Variants in MED22 observed in about 807,000 individuals in gnomAD.
MED22 encodes the protein mediator of RNA polymerase II transcription subunit 22.
MED22 carries 22 observed loss-of-function variants against 22.7 expected under a neutral mutation model. That is an observed-to-expected ratio of 0.97 (90% CI 0.69 to 1.38). The LOEUF (loss-of-function observed/expected upper bound fraction) is 1.38, where lower values mean the gene tolerates loss of function less well. Among genes scored for constraint, MED22 ranks in the 40% most tolerant of loss-of-function variants. MED22 has a pLI of 0.00. For missense variants in MED22, 247 were observed against 263.0 expected (o/e 0.94, Z 0.42); for synonymous variants, 134 against 119.4 (o/e 1.12, Z -0.80).
At chr9:133,346,464 C>CTGCTCAG (rs1836182262) in intron 2 of MED22, 76 bp downstream of exon 2, 1 of 1,578,068 alleles carries the variant, frequency 6.3e-7, no homozygotes, top group African/African-American at 1.3e-5. Context: ...TTCACTCGCG[C>CTGCTCAG]TGCTCAGCCC....
In MED22 at chr9:133,340,080, CT is replaced by C. The variant is rs1835967884; in HGVS notation, c.*1424del. On this transcript the variant is annotated 3_prime_UTR_variant, in exon 5 of 5. Transcript: ENST00000343730. The stretch of plus-strand genomic sequence containing the variant: ...GCTCTCGCTTCATATATGCTTCCAT[CT>C]GGTTGTAATCTTTTTCTTCCTCAGT... 1 of 152,430 alleles carries C rather than the reference CT, an allele frequency of 6.6e-6. No individual in the cohort carries two copies. The highest frequency in any genetic ancestry group is 2.1e-4 in the South Asian group (1 of 4,836). 9.4% of individuals were successfully genotyped at this position (152,430 alleles called of 1,614,324 possible). A position where few individuals can be genotyped will look rare whatever the true frequency, so the allele number is the denominator to read the frequency against.
intron 2 of MED22, among the ~76,000 whole-genome samples, chr9:133,345,838 T>C (rs2129966378): frequency 1.3e-5 from 2 of 152,250 alleles, no homozygotes; most frequent in African/African-American, 2.4e-5. Flanking sequence ...GTACCCTCAG[T>C]GGTTAAGACC....
Position 133,339,408 on chromosome 9 carries a change from A to G in MED22, c.*2097T>C. The G allele has an allele frequency of 1.3e-6, 1 of 777,126 alleles. No homozygotes were observed. The highest frequency in any genetic ancestry group is 1.3e-5 in the South Asian group (1 of 74,662). 48.1% of individuals were successfully genotyped at this position (777,126 alleles called of 1,614,324 possible). On this transcript the variant is annotated 3_prime_UTR_variant, in exon 5 of 5. Transcript: ENST00000343730. ...TCCACCCAGAGCAGCACACTGTGAG[A>G]ACCAATGGGAAGGAGCCTGAGCTGC...
At chr9:133,343,285 C>CA in intron 4 of MED22, 1 of 1,225,446 alleles carries the variant, frequency 8.2e-7, no homozygotes, top group Non-Finnish European at 1.0e-6. Context: ...ACAAGATGGA[C>CA]ATGGACTCTG....
rs1835954409 is a variant in MED22 at position 133,339,199 on chromosome 9, T to TA, written c.*2305_*2306insT. 1.4e-6 allele frequency: 1 copy of TA among 689,764 alleles called. No individual in the cohort carries two copies. Among genetic ancestry groups the TA allele is most frequent in the South Asian group, 1.4e-5 (1 of 72,740 alleles). 42.7% of individuals were successfully genotyped at this position (689,764 alleles called of 1,614,324 possible). ...GGAGAGTCTACAGTGTTCCCCAGCA[T>TA]GCTGTTGGCACTGTTGTAAACAAGT... On this transcript the variant is annotated 3_prime_UTR_variant, in exon 5 of 5. Coordinates refer to ENST00000343730, the MANE Select transcript of MED22 (RefSeq NM_133640.5).
chr9:133,338,411 T>C lies in MED22; in HGVS notation c.*3094A>G, dbSNP rs1835935563. On this transcript the variant is annotated 3_prime_UTR_variant, in exon 5 of 5. Transcript: ENST00000343730. ...ACCTCCGCCTCCCGGGTTCAAGCGA[T>C]TCTCCTGCCTCCGCCTACCAAGTAG... The C allele has an allele frequency of 6.5e-6, 1 of 153,670 alleles. No homozygotes were observed. Among genetic ancestry groups the C allele is most frequent in the South Asian group, 2.0e-4 (1 of 5,042 alleles). 9.5% of individuals were successfully genotyped at this position (153,670 alleles called of 1,614,324 possible).
intron 3 of MED22, 145 bp from the exon 4 acceptor site, chr9:133,344,478 A>G: frequency 1.3e-6 from 1 of 752,636 alleles, no homozygotes; most frequent in Non-Finnish European, 2.2e-6. Flanking sequence ...TGACCTCCAC[A>G]GGTTCATGTG....
chr9:133,342,165 G>A lies in MED22; in HGVS notation c.414-471C>T, dbSNP rs2129952265. On this transcript the variant is annotated intron_variant, in intron 4 of 4. Transcript: ENST00000343730. ...GTCCCTGCCTGAGACTTAGCCTGAAGGGGGCGACAGTTGGGAACACAGGCC... is the reference window on the plus strand; with the variant it reads ...GTCCCTGCCTGAGACTTAGCCTGAAAGGGGCGACAGTTGGGAACACAGGCC... 2.5e-5 allele frequency: 25 copies of A among 992,948 alleles called. No individual in the cohort carries two copies. In the Middle Eastern group the frequency reaches 2.6e-3, roughly 102 times the overall value. The allele number at this position is 992,948 out of a possible 1,614,324, so 61.5% of individuals were successfully genotyped here. A position where few individuals can be genotyped will look rare whatever the true frequency, so the allele number is the denominator to read the frequency against.
Position 133,346,692 on chromosome 9 carries a change from A to T in MED22, c.-30T>A, listed in dbSNP as rs1460904577. On this transcript the variant is annotated 5_prime_UTR_variant, in exon 2 of 5. Coordinates refer to ENST00000343730, the MANE Select transcript of MED22 (RefSeq NM_133640.5). The stretch of plus-strand genomic sequence containing the variant: ...GAGCCTCAAGCAGCGCAGCGGGGAG[A>T]CCTGGGACCTAGAGTGCAGCACAGA... 2 of 1,606,790 alleles carry T rather than the reference A, an allele frequency of 1.2e-6. No individual in the cohort carries two copies. Among genetic ancestry groups the T allele is most frequent in the African/African-American group, 2.7e-5 (2 of 74,878 alleles).
At chr9:133,342,481 G>A (rs1836035728) in intron 4 of MED22, 1 of 986,708 alleles carries the variant, frequency 1.0e-6, no homozygotes, top group Non-Finnish European at 1.2e-6. Context: ...CAAAGGAGAG[G>A]CAGAGCCAGA....
At chr9:133,343,815 A>G (rs1836087303) in intron 4 of MED22, 1 of 1,399,756 alleles carries the variant, frequency 7.1e-7, no homozygotes. Flanking sequence ...CCGAGGAGGA[A>G]GGCTCTCGGA....
In MED22 at chr9:133,339,098, G is replaced by T; in HGVS notation, c.*2407C>A. On this transcript the variant is annotated 3_prime_UTR_variant, in exon 5 of 5. Transcript: ENST00000343730. The stretch of plus-strand genomic sequence containing the variant: ...CAAGTATATGCAAATTGATGAGAAA[G>T]GTGATATTGTAGATATCAAGGGAAT... 1.5e-6 allele frequency: 1 copy of T among 676,738 alleles called. No homozygotes were observed. The highest frequency in any genetic ancestry group is 1.4e-5 in the South Asian group (1 of 73,414). The allele number at this position is 676,738 out of a possible 1,614,324, so 41.9% of individuals were successfully genotyped here.
Position 133,339,257 on chromosome 9 carries a change from G to T in MED22, c.*2248C>A. Reference sequence around the variant, plus strand: ...AGATTCTTGCCAAGAGAATGAATGTGCATATTCAGCACACTAAGCACTCTA... The same window carrying T: ...AGATTCTTGCCAAGAGAATGAATGTTCATATTCAGCACACTAAGCACTCTA... On this transcript the variant is annotated 3_prime_UTR_variant, in exon 5 of 5. Transcript: ENST00000343730. 1.4e-6 allele frequency: 1 copy of T among 700,028 alleles called. No homozygotes were observed. The highest frequency in any genetic ancestry group is 2.7e-6 in the Non-Finnish European group (1 of 375,804). 43.4% of individuals were successfully genotyped at this position (700,028 alleles called of 1,614,324 possible).
At chr9:133,346,340 G>T in intron 2 of MED22, 200 bp downstream of exon 2, 1 of 628,326 alleles carries the variant, frequency 1.6e-6, no homozygotes, top group Non-Finnish European at 2.7e-6. Flanking sequence ...GCACTAAAAA[G>T]TGAAATCTCC....
rs2129958504 is a variant in MED22, at chr9:133,343,889, G to GT, written c.413+235dup. 200 of 1,423,504 alleles carry GT rather than the reference G, an allele frequency of 1.4e-4. 1 individual carries two copies. In the South Asian group the frequency reaches 1.9e-3, roughly 14 times the overall value. The allele number at this position is 1,423,504 out of a possible 1,614,324, so 88.2% of individuals were successfully genotyped here. The stretch of plus-strand genomic sequence containing the variant: ...TCCAGACTCGGCCTATCCGACTGGC[G>GT]TGAGTCCTGTGGTTTTCATCACATT... On this transcript the variant is annotated intron_variant, in intron 4 of 4. Coordinates refer to ENST00000343730, the MANE Select transcript of MED22 (RefSeq NM_133640.5).
chr9:133,339,347 G>A lies in MED22; in HGVS notation c.*2158C>T. On this transcript the variant is annotated 3_prime_UTR_variant, in exon 5 of 5. Transcript: ENST00000343730. Reference sequence around the variant, plus strand: ...ATCAGAAAAAGAGGGAAGCCAAAGAGAAAGGTACCTGGATTCAACTGAAGC... The same window carrying A: ...ATCAGAAAAAGAGGGAAGCCAAAGAAAAAGGTACCTGGATTCAACTGAAGC... The A allele has an allele frequency of 1.4e-6, 1 of 729,090 alleles. No individual in the cohort carries two copies. The highest frequency in any genetic ancestry group is 1.4e-5 in the South Asian group (1 of 73,426). The allele number at this position is 729,090 out of a possible 1,614,324, so 45.2% of individuals were successfully genotyped here. A position where few individuals can be genotyped will look rare whatever the true frequency, so the allele number is the denominator to read the frequency against.
chr9:133,343,429 G>A (rs1161660175), intron 4 of MED22: 8 of 1,224,290 alleles, frequency 6.5e-6, no homozygotes, highest in South Asian at 4.2e-5. Flanking sequence ...AGCTCAAACG[G>A]TCGAAGGTTT....
rs1010014292 is a variant in MED22 at position 133,343,878 on chromosome 9, A to G, written c.413+247T>C. On this transcript the variant is annotated intron_variant, in intron 4 of 4. Transcript: ENST00000343730. ...CGCCTCCCTTCTCCAGACTCGGCCT[A>G]TCCGACTGGCGTGAGTCCTGTGGTT... 1.4e-5 allele frequency: 20 copies of G among 1,419,436 alleles called. No homozygotes were observed. In the East Asian group the frequency reaches 4.5e-4, roughly 32 times the overall value. The allele number at this position is 1,419,436 out of a possible 1,614,324, so 87.9% of individuals were successfully genotyped here.
chr9:133,342,424 T>A (rs965143533), intron 4 of MED22: 1 of 985,812 alleles, frequency 1.0e-6, no homozygotes, highest in African/African-American at 1.7e-5. Flanking sequence ...GCCCTCAGTG[T>A]TCAGTCTCAG....
Sources: allele counts gnomAD v4.1 joint callset (sites outside exome capture counted in the v4.1 genomes callset), GRCh38; gene constraint gnomAD v4.1.1; transcripts MANE v1.5; gene names NCBI Gene and HGNC (gene_info 2026-07-23, HGNC 2026-07-21).